Variants in NFYA observed in about 807,000 individuals in gnomAD.
NFYA encodes nuclear transcription factor Y subunit alpha, also known as CAAT-box DNA binding protein subunit A.
In NFYA, 28 loss-of-function variants were observed where a neutral mutation model predicts 52.8. That is an observed-to-expected ratio of 0.53 (90% CI 0.39 to 0.73). The LOEUF is 0.73. Among genes scored for constraint, NFYA ranks in the 30% least tolerant of loss-of-function variants. NFYA has a pLI of 0.00. For missense variants in NFYA, 234 were observed against 427.0 expected (o/e 0.55, Z 3.98); for synonymous variants, 150 against 150.7 (o/e 1.00, Z 0.03).
At position 41,100,584 on chromosome 6, in the gene NFYA, A is replaced by G. The variant is rs978018107; in HGVS notation, c.*3174A>G. On this transcript the variant is annotated 3_prime_UTR_variant, in exon 10 of 10. Transcript: ENST00000341376. ...GAGAAACTCTCCACAATGAAGGAAA[A>G]GCACTGACAGTATTTGATAGCTTTA... Among the ~76,000 whole-genome samples the G allele has an allele frequency of 6.6e-6, 1 of 152,198 alleles. No homozygotes were observed. Among genetic ancestry groups the G allele is most frequent in the East Asian group, 1.9e-4 (1 of 5,190 alleles).
intron 1 of NFYA, among the ~76,000 whole-genome samples, chr6:41,077,570 T>C (rs1001676616): frequency 6.6e-6 from 1 of 152,196 alleles, no homozygotes; most frequent in African/African-American, 2.4e-5. Flanking sequence ...AAGATAGAAT[T>C]TAGGGAAGCC....
chr6:41,099,529 TGTG>T lies in NFYA; in HGVS notation c.*2122_*2124del, dbSNP rs1020967972. 2.6e-5 allele frequency: 4 copies of T among 152,260 alleles called. No homozygotes were observed. Among genetic ancestry groups the T allele is most frequent in the South Asian group, 2.1e-4 (1 of 4,836 alleles). The allele number at this position is 152,260 out of a possible 1,614,324, so 9.4% of individuals were successfully genotyped here. A position where few individuals can be genotyped will look rare whatever the true frequency, so the allele number is the denominator to read the frequency against. On this transcript the variant is annotated 3_prime_UTR_variant, in exon 10 of 10. Coordinates refer to ENST00000341376, the MANE Select transcript of NFYA (RefSeq NM_002505.5). ...TTCAAATAGCTCATGACCCTTTTCT[TGTG>T]GTCACTTTGGCACACCATAGTAGCC...
rs141234998 is a variant in NFYA, at chr6:41,092,277, A to G, written c.714+583A>G. On this transcript the variant is annotated intron_variant, in intron 7 of 9. Transcript: ENST00000341376. ...CTCAGTGGCATGCACCTGTAGTCCTAGCTACTTGGGAGGCTAATCCAGGAG... is the reference window on the plus strand; with the variant it reads ...CTCAGTGGCATGCACCTGTAGTCCTGGCTACTTGGGAGGCTAATCCAGGAG... 2.5e-3 allele frequency among the ~76,000 whole-genome samples: 385 copies of G among 152,360 alleles called. 2 individuals carry two copies. The highest frequency in any genetic ancestry group is 8.4e-3 in the African/African-American group (351 of 41,588).
chr6:41,089,331 CACT>C (rs1360990109), intron 4 of NFYA, among the ~76,000 whole-genome samples: 1 of 152,148 alleles, frequency 6.6e-6, no homozygotes, highest in Non-Finnish European at 1.5e-5. Context: ...ATAATCATAC[CACT>C]GCTATCTTTC....
intron 5 of NFYA, 99 bp downstream of exon 5, chr6:41,089,809 G>T: frequency 2.0e-6 from 3 of 1,470,096 alleles, no homozygotes; most frequent in Non-Finnish European, 2.7e-6. Context: ...GTAGAAAAGG[G>T]GATGAAAACC....
intron 7 of NFYA, 97 bp downstream of exon 7, chr6:41,091,791 G>T: frequency 1.4e-6 from 2 of 1,386,168 alleles, no homozygotes; most frequent in Non-Finnish European, 2.0e-6. Flanking sequence ...TTGGGATTGA[G>T]ATCGATCCTT....
intron 8 of NFYA, among the ~76,000 whole-genome samples, chr6:41,093,354 T>A (rs907536334): frequency 6.6e-6 from 1 of 152,228 alleles, no homozygotes; most frequent in African/African-American, 2.4e-5. Context: ...GGTAGCACAT[T>A]TTCACAGTTC....
In NFYA at chr6:41,075,126, T is replaced by G. The variant is rs1487507414; in HGVS notation, c.-62+2042T>G. The G allele has an allele frequency of 2.6e-5, 4 of 152,240 alleles. No individual in the cohort carries two copies. The East Asian group carries it at 7.7e-4, about 29-fold the overall frequency. 9.4% of individuals were successfully genotyped at this position (152,240 alleles called of 1,614,324 possible). The stretch of plus-strand genomic sequence containing the variant: ...CATTTGATTGTCACGTTATCCGCAT[T>G]AGCAGATGAGATGATAGAGCTTAAG... On this transcript the variant is annotated intron_variant, in intron 1 of 9. Coordinates refer to ENST00000341376, the MANE Select transcript of NFYA (RefSeq NM_002505.5).
rs1419800271 is a variant in NFYA at position 41,097,707 on chromosome 6, A to T, written c.*297A>T. On this transcript the variant is annotated 3_prime_UTR_variant, in exon 10 of 10. Transcript: ENST00000341376. ...ATGCCACCCCAGCAGTACACAAAGCACTTACCTTGACTGGTGAAGTCAGCC... is the reference window on the plus strand; with the variant it reads ...ATGCCACCCCAGCAGTACACAAAGCTCTTACCTTGACTGGTGAAGTCAGCC... 7.3e-6 allele frequency: 2 copies of T among 275,100 alleles called. No homozygotes were observed. The highest frequency in any genetic ancestry group is 1.5e-4 in the East Asian group (2 of 13,018). The allele number at this position is 275,100 out of a possible 1,614,324, so 17.0% of individuals were successfully genotyped here. A position where few individuals can be genotyped will look rare whatever the true frequency, so the allele number is the denominator to read the frequency against.
intron 7 of NFYA, 107 bp from the exon 8 acceptor site, chr6:41,092,805 T>C: frequency 8.7e-7 from 1 of 1,155,206 alleles, no homozygotes; most frequent in Non-Finnish European, 1.2e-6. Context: ...CCTATAAAAA[T>C]TACTTTTTGT....
chr6:41,076,325 C>T (rs1344931104), intron 1 of NFYA, among the ~76,000 whole-genome samples: 1 of 152,168 alleles, frequency 6.6e-6, no homozygotes, highest in African/African-American at 2.4e-5. Context: ...ACTTTCATTT[C>T]AGTTACATGC....
At position 41,100,544 on chromosome 6, in the gene NFYA, T is replaced by G. The variant is rs963423433; in HGVS notation, c.*3134T>G. 6.6e-6 allele frequency among the ~76,000 whole-genome samples: 1 copy of G among 152,172 alleles called. No individual in the cohort carries two copies. The highest frequency in any genetic ancestry group is 1.9e-4 in the East Asian group (1 of 5,178). On this transcript the variant is annotated 3_prime_UTR_variant, in exon 10 of 10. Coordinates refer to ENST00000341376, the MANE Select transcript of NFYA (RefSeq NM_002505.5). ...AATGATGAGAGCAGTAGACCTGCCC[T>G]GGCAGATGAGAGAGGAGAAACTCTC...
At chr6:41,088,282 G>A (rs2113808505) in intron 4 of NFYA, among the ~76,000 whole-genome samples, 1 of 151,852 alleles carries the variant, frequency 6.6e-6, no homozygotes, top group African/African-American at 2.4e-5. Context: ...ATTAAGCCAG[G>A]CGTGATGGCG....
At chr6:41,091,305 C>T (rs1764192308) in intron 6 of NFYA, among the ~76,000 whole-genome samples, 1 of 152,160 alleles carries the variant, frequency 6.6e-6, no homozygotes, top group Non-Finnish European at 1.5e-5. Flanking sequence ...TAGAGTTACT[C>T]AAAACTGGGA....
chr6:41,079,613 A>G (rs1041429870), intron 2 of NFYA, among the ~76,000 whole-genome samples: 1 of 152,226 alleles, frequency 6.6e-6, no homozygotes, highest in Non-Finnish European at 1.5e-5. Flanking sequence ...GATAATATTT[A>G]GACAGCCATT....
At position 41,102,187 on chromosome 6, in the gene NFYA, G is replaced by A. The variant is rs1200514652; in HGVS notation, c.*4777G>A. 1 of 152,186 alleles carries A rather than the reference G, an allele frequency of 6.6e-6. No individual in the cohort carries two copies. The highest frequency in any genetic ancestry group is 1.5e-5 in the Non-Finnish European group (1 of 68,042). 9.4% of individuals were successfully genotyped at this position (152,186 alleles called of 1,614,324 possible). On this transcript the variant is annotated 3_prime_UTR_variant, in exon 10 of 10. Transcript: ENST00000341376. Reference sequence around the variant, plus strand: ...GGTTTATAAAAGAAGGGGGCCAGAAGTACTTTAAAACAGGTACCAAAGGGT... The same window carrying A: ...GGTTTATAAAAGAAGGGGGCCAGAAATACTTTAAAACAGGTACCAAAGGGT...
intron 1 of NFYA, among the ~76,000 whole-genome samples, chr6:41,073,867 C>T (rs978104738): frequency 1.3e-5 from 2 of 152,216 alleles, no homozygotes; most frequent in Non-Finnish European, 2.9e-5. Flanking sequence ...CCTCTCTTCC[C>T]CGCCCCGTTC....
intron 3 of NFYA, among the ~76,000 whole-genome samples, chr6:41,081,263 GC>G (rs1417690935): frequency 6.6e-6 from 1 of 152,206 alleles, no homozygotes; most frequent in Middle Eastern, 3.2e-3. Flanking sequence ...GCCGAGGCAG[GC>G]GGATCACGAG....
intron 1 of NFYA, among the ~76,000 whole-genome samples, chr6:41,076,742 G>A (rs543985398): frequency 6.6e-6 from 1 of 152,298 alleles, no homozygotes; most frequent in South Asian, 2.1e-4. Flanking sequence ...ACTAAATCTG[G>A]CTTAGTTTGT....
Sources: gnomAD v4.1 joint callset for allele counts (sites outside exome capture counted in the v4.1 genomes callset) on GRCh38, gnomAD v4.1.1 for gene constraint, MANE v1.5 for transcripts, NCBI Gene and HGNC (gene_info 2026-07-23, HGNC 2026-07-21) for gene names.